The following BNC2 variants were observed in gnomAD, a reference collection of about 807,000 sequenced individuals.
BNC2 encodes zinc finger protein basonuclin-2.
BNC2 carries 20 observed loss-of-function variants against 76.3 expected under a neutral mutation model. The ratio of observed to expected loss-of-function variants is 0.26; its 90% CI spans 0.18 to 0.38. The LOEUF is 0.38. Ranked by LOEUF, BNC2 falls within the 10% of genes least tolerant of loss-of-function variation. The pLI is 1.00. For synonymous variants in BNC2, 582 were observed against 514.8 expected (o/e 1.13, Z -1.77); for missense variants, 1,382 against 1,399.8 (o/e 0.99, Z 0.20).
intron 3 of BNC2, chr9:16,685,747 T>C (rs1822958831): frequency 8.2e-6 from 4 of 489,864 alleles, no homozygotes; most frequent in South Asian, 1.6e-5. Context: ...CAGGTCATCA[T>C]GGCTTGACAT....
intron 1 of BNC2, among the ~76,000 whole-genome samples, chr9:16,847,163 T>C (rs2136132449): frequency 6.6e-6 from 1 of 152,160 alleles, no homozygotes; most frequent in Admixed American, 6.5e-5. Context: ...AGTAAGCATA[T>C]AAGAGATATA....
chr9:16,806,793 A>C (rs2135803013), intron 1 of BNC2, among the ~76,000 whole-genome samples: 1 of 152,312 alleles, frequency 6.6e-6, no homozygotes, highest in African/African-American at 2.4e-5. Flanking sequence ...TCAGACTGAA[A>C]ACCTGGTTTG....
intron 5 of BNC2, among the ~76,000 whole-genome samples, chr9:16,477,393 T>A (rs1821950190): frequency 6.6e-6 from 1 of 152,216 alleles, no homozygotes; most frequent in African/African-American, 2.4e-5. Flanking sequence ...AAAAAGTCCT[T>A]GATTTTCTTA....
At chr9:16,864,801 G>A (rs886372912) in intron 1 of BNC2, among the ~76,000 whole-genome samples, 4 of 152,078 alleles carry the variant, frequency 2.6e-5, no homozygotes, top group Middle Eastern at 3.4e-3. Flanking sequence ...GGGGCCTTTC[G>A]GTTTTTCCTT....
In BNC2 at chr9:16,673,442, A is replaced by C. The variant is rs188367999; in HGVS notation, c.330+54355T>G. On this transcript the variant is annotated intron_variant, in intron 3 of 6. Coordinates refer to ENST00000380672, the MANE Select transcript of BNC2 (RefSeq NM_017637.6). ...ACATTCTGAGATTTAAAAAAAAAAA[A>C]AACACACACACACACACACACATAC... 5.4e-5 allele frequency among the ~76,000 whole-genome samples: 8 copies of C among 149,310 alleles called. No individual in the cohort carries two copies. The South Asian group carries it at 1.5e-3, about 29-fold the overall frequency.
At chr9:16,523,420 G>A (rs58501660) in intron 5 of BNC2, among the ~76,000 whole-genome samples, 1,951 of 149,672 alleles carry the variant, frequency 0.013, 43 homozygotes, top group African/African-American at 0.046. Flanking sequence ...GCAGTGAGCC[G>A]AGATAGCGCC....
At chr9:16,859,738 A>T (rs987264431) in intron 1 of BNC2, among the ~76,000 whole-genome samples, 20 of 152,244 alleles carry the variant, frequency 1.3e-4, no homozygotes, top group Admixed American at 5.2e-4. Flanking sequence ...TTCAAAGGTT[A>T]AAAAATTTCA....
intron 1 of BNC2, among the ~76,000 whole-genome samples, chr9:16,865,816 C>T (rs1472566051): frequency 1.3e-5 from 2 of 152,054 alleles, no homozygotes; most frequent in Admixed American, 6.6e-5. Flanking sequence ...TAGGTTCTTA[C>T]GCATTGAGTT....
chr9:16,695,740 C>A (rs752366906), intron 3 of BNC2, among the ~76,000 whole-genome samples: 16 of 151,988 alleles, frequency 1.1e-4, no homozygotes, highest in Admixed American at 6.6e-4. Context: ...TCATCTGTCA[C>A]GTACCTCTGT....
intron 3 of BNC2, 26 bp from the exon 4 acceptor site, chr9:16,583,111 G>T (rs1587199396): frequency 1.3e-6 from 2 of 1,563,422 alleles, no homozygotes; most frequent in East Asian, 4.5e-5. Context: ...GGAAAAAAAG[G>T]TCAGCATCTG....
intron 3 of BNC2, among the ~76,000 whole-genome samples, chr9:16,633,806 A>G (rs138737809): frequency 1.3e-3 from 200 of 152,310 alleles, no homozygotes; most frequent in African/African-American, 4.5e-3. Flanking sequence ...GAAAACATCT[A>G]AAATGCAACT....
In BNC2 at chr9:16,436,981, T is replaced by A. The variant is rs950618735; in HGVS notation, c.1213A>T (p.Ile405Phe). The change falls in exon 6 of 7, where the codon ATT becomes TTT. Residue 405 changes from isoleucine to phenylalanine, a missense_variant. Transcript: ENST00000380672. ...TCACTGACTGGGGCAGAATTCTGAA[T>A]GGGAGAGACACAGGCTGGCTCGGTT... is the stretch of plus-strand genomic sequence containing the variant. ...PKTEPACVSP[I>F]QNSAPVSDLT... The A allele has an allele frequency of 6.2e-7, 1 of 1,614,136 alleles. No homozygotes were observed. The highest frequency in any genetic ancestry group is 1.1e-5 in the South Asian group (1 of 91,078).
rs1242293408 is a variant in BNC2 at position 16,680,143 on chromosome 9, T to C, written c.330+47654A>G. 2.0e-5 allele frequency among the ~76,000 whole-genome samples: 3 copies of C among 152,290 alleles called. No homozygotes were observed. The South Asian group carries it at 6.2e-4, about 32-fold the overall frequency. On this transcript the variant is annotated intron_variant, in intron 3 of 6. Transcript: ENST00000380672. ...AAACTTTCAATAGAAACATACAACA[T>C]TTTGGCAACTTGTGGTAAATGGTTT...
intron 1 of BNC2, among the ~76,000 whole-genome samples, chr9:16,764,283 G>A (rs907017438): frequency 2.0e-5 from 3 of 152,146 alleles, no homozygotes; most frequent in African/African-American, 2.4e-5. Context: ...CATAAAGATT[G>A]TATTTTCTGC....
intron 5 of BNC2, among the ~76,000 whole-genome samples, chr9:16,518,291 G>A (rs116268586): frequency 0.027 from 4,095 of 152,056 alleles, 154 homozygotes; most frequent in African/African-American, 0.076. Context: ...AAAATTAGCT[G>A]GGCATGGCGG....
In BNC2 at chr9:16,595,002, A is replaced by AT. The variant is rs1820027545; in HGVS notation, c.331-11918_331-11917insA. Among the ~76,000 whole-genome samples the AT allele has an allele frequency of 3.3e-5, 5 of 152,302 alleles. No homozygotes were observed. In the South Asian group the frequency reaches 1.0e-3, roughly 32 times the overall value. Reference sequence around the variant, plus strand: ...AAGCAACTTGAAAAGTGAAAATGCTAAGTAAGCAGTTAACCATATATACTA... The same window carrying AT: ...AAGCAACTTGAAAAGTGAAAATGCTATAGTAAGCAGTTAACCATATATACTA... On this transcript the variant is annotated intron_variant, in intron 3 of 6. Transcript: ENST00000380672.
At chr9:16,835,307 A>T (rs1024723980) in intron 1 of BNC2, among the ~76,000 whole-genome samples, 1 of 152,180 alleles carries the variant, frequency 6.6e-6, no homozygotes, top group African/African-American at 2.4e-5. Flanking sequence ...ACATGTAGTA[A>T]ACTCATCTAA....
intron 3 of BNC2, chr9:16,727,129 G>GGGCC: frequency 6.5e-6 from 1 of 153,062 alleles, no homozygotes; most frequent in African/African-American, 2.4e-5. Flanking sequence ...GCGGGCCGGC[G>GGGCC]GGCGGGCGGG....
At chr9:16,459,585 C>T (rs1334473225) in intron 5 of BNC2, among the ~76,000 whole-genome samples, 2 of 145,646 alleles carry the variant, frequency 1.4e-5, no homozygotes, top group African/African-American at 4.9e-5. Context: ...AAGCAATACA[C>T]GGCAGGAGAA....
Sources: allele counts gnomAD v4.1 joint callset (sites outside exome capture counted in the v4.1 genomes callset), GRCh38; gene constraint gnomAD v4.1.1; transcripts MANE v1.5; gene names NCBI Gene and HGNC (gene_info 2026-07-23, HGNC 2026-07-21).